SLIT3: variants seen among roughly 807,000 people sequenced by gnomAD.
The protein encoded by SLIT3 is slit homolog 3 protein.
Under a neutral mutation model 184.0 loss-of-function variants are expected in SLIT3, and 68 were observed. The ratio of observed to expected loss-of-function variants is 0.37; its 90% CI spans 0.30 to 0.45. The LOEUF (loss-of-function observed/expected upper bound fraction) is 0.45. Ranked by LOEUF, SLIT3 falls within the 20% of genes least tolerant of loss-of-function variation. The pLI is 1.00. For synonymous variants in SLIT3, 831 were observed against 828.6 expected, an observed-to-expected ratio of 1.00 and a Z score of -0.05; for missense variants, 1,707 against 2,026.0, an observed-to-expected ratio of 0.84 and a Z score of 3.02.
At chr5:168,982,228 C>A (rs1748984368) in intron 4 of SLIT3, among the ~76,000 whole-genome samples, 1 of 152,166 alleles carries the variant, frequency 6.6e-6, no homozygotes, top group African/African-American at 2.4e-5. Flanking sequence ...CCCAGTGTGG[C>A]AGTATGGAGA....
At chr5:169,030,307 T>G (rs1756980255) in intron 4 of SLIT3, 1 of 152,228 alleles carries the variant, frequency 6.6e-6, no homozygotes, top group South Asian at 2.1e-4. Context: ...CACTTTTCAT[T>G]TGATCCTCCA....
chr5:169,050,526 A>T lies in SLIT3; in HGVS notation c.413+142953T>A, dbSNP rs1206374281. ...TTCATCAAATATCTATTCAGTGTCC[A>T]TGGTGTGCCAAGCCCTGAGCTAGGT... On this transcript the variant is annotated intron_variant, in intron 4 of 35. Coordinates refer to ENST00000519560, the MANE Select transcript of SLIT3 (RefSeq NM_003062.4). Among the ~76,000 whole-genome samples, 3 of 152,194 alleles carry T rather than the reference A, an allele frequency of 2.0e-5. No homozygotes were observed. The East Asian group carries it at 5.8e-4, about 29-fold the overall frequency.
intron 12 of SLIT3, among the ~76,000 whole-genome samples, chr5:168,776,611 C>T (rs979910569): frequency 5.3e-5 from 8 of 152,220 alleles, no homozygotes; most frequent in South Asian, 2.1e-4. Context: ...TTCTTCTTTA[C>T]GAATGTCTTG....
intron 10 of SLIT3, among the ~76,000 whole-genome samples, chr5:168,793,714 T>C (rs1001790744): frequency 2.0e-5 from 3 of 151,928 alleles, no homozygotes; most frequent in African/African-American, 4.8e-5. Flanking sequence ...ATGTAGGAGA[T>C]ATAGGTTGGG....
chr5:169,082,846 C>T (rs946822962), intron 4 of SLIT3, among the ~76,000 whole-genome samples: 3 of 152,144 alleles, frequency 2.0e-5, no homozygotes, highest in South Asian at 2.1e-4. Flanking sequence ...ATACCCCTTT[C>T]GGCTAAATTT....
chr5:169,132,210 T>C (rs75516462), intron 4 of SLIT3, among the ~76,000 whole-genome samples: 4,218 of 151,742 alleles, frequency 0.028, 81 homozygotes, highest in Admixed American at 0.04. Flanking sequence ...GAGGAAGAAA[T>C]AGAGAGGTAT....
At chr5:168,750,423 G>A (rs557681673) in intron 18 of SLIT3, among the ~76,000 whole-genome samples, 35 of 152,356 alleles carry the variant, frequency 2.3e-4, no homozygotes, top group Non-Finnish European at 4.1e-4. Context: ...GGAAAGTGAA[G>A]CTTGGGGAGC....
At chr5:168,789,806 AC>A (rs1450516252) in intron 10 of SLIT3, 175 bp from the exon 11 acceptor site, 2 of 577,742 alleles carry the variant, frequency 3.5e-6, no homozygotes, top group Non-Finnish European at 6.2e-6. Context: ...CAGTTCAACT[AC>A]CTCATGATAA....
rs568496325 is a variant in SLIT3 at position 169,090,458 on chromosome 5, T to C, written c.413+103021A>G. Among the ~76,000 whole-genome samples the C allele has an allele frequency of 1.3e-3, 195 of 152,188 alleles. 2 individuals carry two copies. Among genetic ancestry groups the C allele is most frequent in the African/African-American group, 4.6e-3 (189 of 41,512 alleles). On this transcript the variant is annotated intron_variant, in intron 4 of 35. Transcript: ENST00000519560. The stretch of plus-strand genomic sequence containing the variant: ...AGCAGAGCAGGTGAAGGAAGAAGAA[T>C]GGGTTTGAGGCAAACAGGGCCAGGA...
intron 9 of SLIT3, among the ~76,000 whole-genome samples, chr5:168,799,130 GGTT>G (rs1756676977): frequency 6.6e-6 from 1 of 152,102 alleles, no homozygotes; most frequent in Non-Finnish European, 1.5e-5. Context: ...CATGTGTGCA[GGTT>G]CACATGCAGT....
intron 32 of SLIT3, 122 bp from the exon 33 acceptor site, chr5:168,673,453 C>T (rs901123306): frequency 1.1e-6 from 1 of 934,074 alleles, no homozygotes. Flanking sequence ...TTGGAAATAA[C>T]TTTAAACTTA....
chr5:168,839,437 C>T (rs933905096), intron 6 of SLIT3, among the ~76,000 whole-genome samples: 1 of 152,250 alleles, frequency 6.6e-6, no homozygotes, highest in Non-Finnish European at 1.5e-5. Flanking sequence ...TCCCCAGCCA[C>T]AGCTGACTGC....
intron 3 of SLIT3, among the ~76,000 whole-genome samples, chr5:169,224,436 C>T (rs908368027): frequency 6.0e-5 from 9 of 149,746 alleles, no homozygotes; most frequent in Admixed American, 1.3e-4. Context: ...GGCAAAATCA[C>T]GGTTCACTGC....
At chr5:168,987,132 T>A (rs935391898) in intron 4 of SLIT3, among the ~76,000 whole-genome samples, 1 of 152,218 alleles carries the variant, frequency 6.6e-6, no homozygotes, top group Non-Finnish European at 1.5e-5. Flanking sequence ...TCTCTGTTGA[T>A]CTGATTCCTA....
At chr5:169,235,484 A>G (rs1424948168) in intron 3 of SLIT3, among the ~76,000 whole-genome samples, 1 of 152,228 alleles carries the variant, frequency 6.6e-6, no homozygotes, top group Non-Finnish European at 1.5e-5. Context: ...AATTTCCCCT[A>G]TTAACATCTT....
At chr5:169,050,159 G>A (rs1255090796) in intron 4 of SLIT3, among the ~76,000 whole-genome samples, 3 of 152,148 alleles carry the variant, frequency 2.0e-5, no homozygotes, top group Non-Finnish European at 4.4e-5. Context: ...CACACTGTCT[G>A]ATGTTAAGGA....
At chr5:169,164,519 T>C (rs532177193) in intron 4 of SLIT3, among the ~76,000 whole-genome samples, 12 of 152,306 alleles carry the variant, frequency 7.9e-5, no homozygotes, top group African/African-American at 2.4e-4. Flanking sequence ...AAAGTATATA[T>C]GCACTGGGGT....
At chr5:169,138,824 G>C (rs73315638) in intron 4 of SLIT3, among the ~76,000 whole-genome samples, 5,535 of 152,296 alleles carry the variant, frequency 0.036, 358 homozygotes, top group African/African-American at 0.13. Flanking sequence ...AGTCAAGCAA[G>C]TGCTTCGCAA....
intron 25 of SLIT3, 76 bp from the exon 26 acceptor site, chr5:168,708,176 G>A (rs1762434006): frequency 6.2e-7 from 1 of 1,603,016 alleles, no homozygotes; most frequent in African/African-American, 1.3e-5. Context: ...CCTCTGCTCT[G>A]GGCCCTCCCT....
Sources: gnomAD v4.1 joint callset for allele counts (sites outside exome capture counted in the v4.1 genomes callset) on GRCh38, gnomAD v4.1.1 for gene constraint, MANE v1.5 for transcripts, NCBI Gene and HGNC (gene_info 2026-07-23, HGNC 2026-07-21) for gene names.